Variants in DNAI4 observed in about 807,000 individuals in gnomAD.
DNAI4 encodes the protein WD repeat domain 78.
DNAI4 carries 85 observed loss-of-function variants against 105.8 expected under a neutral mutation model. The ratio of observed to expected loss-of-function variants is 0.80; its 90% CI spans 0.67 to 0.96. The LOEUF is 0.96. Ranked by LOEUF, DNAI4 falls within the 40% of genes least tolerant of loss-of-function variation. The pLI, the probability that DNAI4 is intolerant of heterozygous loss-of-function variation, is 0.00. For missense variants in DNAI4, 1,014 were observed against 1,005.6 expected (o/e 1.01, Z -0.11); for synonymous variants, 352 against 331.5 (o/e 1.06, Z -0.67).
At chr1:66,919,492 C>T (rs1237396056) in intron 1 of DNAI4, among the ~76,000 whole-genome samples, 2 of 152,188 alleles carry the variant, frequency 1.3e-5, no homozygotes, top group East Asian at 1.9e-4. Flanking sequence ...AGACAACTAG[C>T]TAACTACTGA....
intron 3 of DNAI4, among the ~76,000 whole-genome samples, 162 bp downstream of exon 3, chr1:66,893,067 A>AAG (rs1296988295): frequency 0.014 from 1,335 of 94,572 alleles, 33 homozygotes; most frequent in Non-Finnish European, 0.021. Flanking sequence ...GAGAGAGAGA[A>AAG]AGAAAGAAAG....
intron 1 of DNAI4, among the ~76,000 whole-genome samples, chr1:66,912,140 G>A (rs76250015): frequency 0.045 from 6,872 of 152,246 alleles, 235 homozygotes; most frequent in African/African-American, 0.098. Flanking sequence ...GTTCCCAGCT[G>A]ATAGATGCAT....
intron 8 of DNAI4, among the ~76,000 whole-genome samples, chr1:66,845,218 A>T (rs1453922725): frequency 0.033 from 683 of 20,416 alleles, 2 homozygotes; most frequent in African/African-American, 0.077. Flanking sequence ...AAGAAAAATT[A>T]AAAAAAAAAA....
chr1:66,823,018 A>G (rs948314603), intron 15 of DNAI4, among the ~76,000 whole-genome samples: 1 of 152,036 alleles, frequency 6.6e-6, no homozygotes, highest in Non-Finnish European at 1.5e-5. Context: ...CTAACTCGTC[A>G]TCTAGCATTA....
At chr1:66,868,820 G>A (rs888732258) in intron 6 of DNAI4, among the ~76,000 whole-genome samples, 16 of 151,832 alleles carry the variant, frequency 1.1e-4, no homozygotes, top group African/African-American at 2.7e-4. Flanking sequence ...GCTCATGCCC[G>A]TAATCCCAGC....
At chr1:66,821,489 G>C (rs1297088894) in intron 16 of DNAI4, among the ~76,000 whole-genome samples, 1 of 151,930 alleles carries the variant, frequency 6.6e-6, no homozygotes, top group Non-Finnish European at 1.5e-5. Context: ...CAGTATGAGA[G>C]GACTCATCAA....
At chr1:66,838,920 T>C (rs1646088075) in intron 9 of DNAI4, among the ~76,000 whole-genome samples, 1 of 152,218 alleles carries the variant, frequency 6.6e-6, no homozygotes, top group South Asian at 2.1e-4. Context: ...ATTATTACTG[T>C]ATCTCTAGCG....
chr1:66,831,015 ATAT>A (rs201187440), intron 13 of DNAI4, among the ~76,000 whole-genome samples: 2,225 of 150,044 alleles, frequency 0.015, 28 homozygotes, highest in Non-Finnish European at 0.024. Context: ...AGATTACTAT[ATAT>A]TCCACAACTG....
At position 66,850,882 on chromosome 1, in the gene DNAI4, T is replaced by TA. The variant is rs955446586; in HGVS notation, c.1097-3205dup. Among the ~76,000 whole-genome samples the TA allele has an allele frequency of 9.3e-4, 141 of 151,410 alleles. 1 individual carries two copies. The highest frequency in any genetic ancestry group is 1.5e-3 in the Non-Finnish European group (102 of 67,696). Reference sequence around the variant, plus strand: ...CTACAGGTAAATTAAAGCAGAATGGTAAAAAAAATGTTTGGAAAAGCAGCA... The same window carrying TA: ...CTACAGGTAAATTAAAGCAGAATGGTAAAAAAAAATGTTTGGAAAAGCAGCA... On this transcript the variant is annotated intron_variant, in intron 7 of 16. Coordinates refer to ENST00000371026, the MANE Select transcript of DNAI4 (RefSeq NM_024763.5).
intron 10 of DNAI4, among the ~76,000 whole-genome samples, chr1:66,836,300 GAAAGAAAGAAAGAAAGAAAGA>G (rs1332347251): frequency 1.3e-5 from 2 of 150,272 alleles, no homozygotes; most frequent in East Asian, 3.9e-4. Context: ...AAGAAAGAAA[GAAAGAAAGAAAGAAAGAAAGA>G]AAGAAGGAAA....
chr1:66,909,126 T>G (rs1345185680), intron 1 of DNAI4, among the ~76,000 whole-genome samples: 1 of 152,190 alleles, frequency 6.6e-6, no homozygotes, highest in African/African-American at 2.4e-5. Flanking sequence ...ATTGGATAAT[T>G]ACCTTCAGCA....
chr1:66,837,697 T>A lies in DNAI4; in HGVS notation c.1581+13A>T. 1.9e-6 allele frequency: 3 copies of A among 1,602,680 alleles called. No homozygotes were observed. The highest frequency in any genetic ancestry group is 2.6e-6 in the Non-Finnish European group (3 of 1,174,996). On this transcript the variant is annotated intron_variant, in intron 10 of 16. Transcript: ENST00000371026. The stretch of plus-strand genomic sequence containing the variant: ...AGCCAGATAAAAATGCTTCTTATTC[T>A]TGTTTGGGTTACCATGGGATTCTTT...
At position 66,905,386 on chromosome 1, in the gene DNAI4, A is replaced by T. The variant is rs1364127318; in HGVS notation, c.171-11T>A. The T allele has an allele frequency of 3.5e-6, 5 of 1,413,492 alleles. No homozygotes were observed. The highest frequency in any genetic ancestry group is 4.7e-6 in the Non-Finnish European group (5 of 1,068,434). 87.6% of individuals were successfully genotyped at this position (1,413,492 alleles called of 1,614,324 possible). ...TGTGTGGCATTGTTCCTATATAAGA[A>T]AAATAAAATATAATGCAAAGGATTC... On this transcript the variant is annotated splice_polypyrimidine_tract_variant and intron_variant, in intron 1 of 16. Coordinates refer to ENST00000371026, the MANE Select transcript of DNAI4 (RefSeq NM_024763.5).
intron 15 of DNAI4, among the ~76,000 whole-genome samples, chr1:66,825,728 A>G (rs1227252557): frequency 2.0e-5 from 3 of 152,216 alleles, no homozygotes; most frequent in African/African-American, 2.4e-5. Flanking sequence ...TACATTAGTC[A>G]CCTCATACTT....
At chr1:66,871,593 A>G in intron 5 of DNAI4, 84 bp from the exon 6 acceptor site, 1 of 1,330,778 alleles carries the variant, frequency 7.5e-7, no homozygotes, top group Non-Finnish European at 1.0e-6. Context: ...TTTCCCTAAA[A>G]TTACTTTCCT....
intron 1 of DNAI4, among the ~76,000 whole-genome samples, chr1:66,913,843 G>A (rs941524274): frequency 1.1e-4 from 16 of 152,142 alleles, no homozygotes; most frequent in Admixed American, 5.2e-4. Context: ...TTAGCCAGGC[G>A]TGGTGGCGGG....
intron 7 of DNAI4, among the ~76,000 whole-genome samples, chr1:66,856,594 A>G (rs941440288): frequency 1.3e-5 from 2 of 152,166 alleles, no homozygotes; most frequent in African/African-American, 4.8e-5. Context: ...TCTGGGTCAT[A>G]AAACACATTT....
chr1:66,898,487 C>T (rs1486089441), intron 2 of DNAI4, among the ~76,000 whole-genome samples: 2 of 152,152 alleles, frequency 1.3e-5, no homozygotes, highest in East Asian at 3.9e-4. Context: ...AGGGCTCTAC[C>T]CTCATAAATA....
intron 16 of DNAI4, among the ~76,000 whole-genome samples, chr1:66,814,427 G>T (rs533430): frequency 0.82 from 124,022 of 151,862 alleles, 50,895 homozygotes; most frequent in East Asian, 0.99. Flanking sequence ...GGAGTGCAGT[G>T]GTGCAATCTC....
Sources: gnomAD v4.1 joint callset for allele counts (sites outside exome capture counted in the v4.1 genomes callset) on GRCh38, gnomAD v4.1.1 for gene constraint, MANE v1.5 for transcripts, NCBI Gene and HGNC (gene_info 2026-07-23, HGNC 2026-07-21) for gene names.